USP34: variants seen among roughly 807,000 people sequenced by gnomAD.
USP34 encodes ubiquitin specific peptidase 34.
A neutral mutation model predicts 460.3 loss-of-function variants in USP34; 70 were observed. The ratio of observed to expected loss-of-function variants is 0.15; its 90% CI spans 0.13 to 0.19. The LOEUF is 0.19. Ranked by LOEUF, USP34 falls within the 10% of genes least tolerant of loss-of-function variation. USP34 has a pLI of 1.00. For missense variants in USP34, 3,985 were observed against 4,236.2 expected, an observed-to-expected ratio of 0.94 and a Z score of 1.65; for synonymous variants, 1,647 against 1,405.3, an observed-to-expected ratio of 1.17 and a Z score of -3.85.
At chr2:61,436,545 C>G (rs1694818379) in intron 1 of USP34, among the ~76,000 whole-genome samples, 1 of 152,058 alleles carries the variant, frequency 6.6e-6, no homozygotes, top group African/African-American at 2.4e-5. Flanking sequence ...ACCAGAGGAC[C>G]CAGATATACA....
At chr2:61,354,701 G>T (rs957179616) in intron 10 of USP34, among the ~76,000 whole-genome samples, 1 of 152,154 alleles carries the variant, frequency 6.6e-6, no homozygotes, top group Non-Finnish European at 1.5e-5. Flanking sequence ...AGAAAACCTA[G>T]AATGTTTGAG....
intron 2 of USP34, among the ~76,000 whole-genome samples, chr2:61,407,758 G>GA (rs1279095993): frequency 1.3e-5 from 2 of 152,126 alleles, no homozygotes; most frequent in African/African-American, 2.4e-5. Flanking sequence ...ACCTATCACT[G>GA]AAAAACACTC....
rs377235470 is a variant in USP34 at position 61,256,376 on chromosome 2, A to C, written c.6221+8T>G. The C allele has an allele frequency of 6.2e-7, 1 of 1,606,028 alleles. No individual in the cohort carries two copies. Among genetic ancestry groups the C allele is most frequent in the Non-Finnish European group, 8.5e-7 (1 of 1,173,916 alleles). ...AACATAATAAAAATCACATTTGAAA[A>C]AGCATACCTTTTTTCAGCTCGTACT... is the stretch of plus-strand genomic sequence containing the variant. On this transcript the variant is annotated splice_region_variant and intron_variant, in intron 48 of 79. Transcript: ENST00000398571.
intron 10 of USP34, among the ~76,000 whole-genome samples, chr2:61,368,711 G>C (rs939133657): frequency 2.6e-5 from 4 of 152,158 alleles, no homozygotes; most frequent in Admixed American, 1.3e-4. Context: ...ATAAATCCCA[G>C]CTGGATCAAA....
chr2:61,312,687 A>G (rs1022664738), intron 25 of USP34, among the ~76,000 whole-genome samples: 3 of 152,176 alleles, frequency 2.0e-5, no homozygotes, highest in Non-Finnish European at 4.4e-5. Flanking sequence ...CAGTGGCACT[A>G]CTGACATTTT....
At position 61,399,991 on chromosome 2, in the gene USP34, T is replaced by C. The variant is rs896721196; in HGVS notation, c.553-4758A>G. Among the ~76,000 whole-genome samples, 3 of 151,990 alleles carry C rather than the reference T, an allele frequency of 2.0e-5. 1 individual carries two copies. The highest frequency in any genetic ancestry group is 4.8e-5 in the African/African-American group (2 of 41,398). Reference sequence around the variant, plus strand: ...GATTTTTAAAGTCTTGCATTTTTTTTCCTCAAAAACCTCCCATTTACTACA... The same window carrying C: ...GATTTTTAAAGTCTTGCATTTTTTTCCCTCAAAAACCTCCCATTTACTACA... On this transcript the variant is annotated intron_variant, in intron 3 of 79. Transcript: ENST00000398571.
intron 59 of USP34, 59 bp downstream of exon 59, chr2:61,229,477 AAAAAAAAAAAAC>A (rs1558478208): frequency 0.071 from 47,357 of 668,306 alleles, 1,863 homozygotes; most frequent in Admixed American, 0.15. Context: ...AAAAAAAAAC[AAAAAAAAAAAAC>A]AAAAACACCA....
At chr2:61,317,003 T>C (rs1463793625) in intron 23 of USP34, among the ~76,000 whole-genome samples, 1 of 152,230 alleles carries the variant, frequency 6.6e-6, no homozygotes, top group Non-Finnish European at 1.5e-5. Flanking sequence ...TCTTGCTTTG[T>C]TGCCCAGGCT....
rs1055129946 is a variant in USP34 at position 61,406,221 on chromosome 2, T to C, written c.132-93A>G. 4 of 1,130,782 alleles carry C rather than the reference T, an allele frequency of 3.5e-6. No individual in the cohort carries two copies. The African/African-American group carries it at 6.3e-5, about 18-fold the overall frequency. The allele number at this position is 1,130,782 out of a possible 1,614,324, so 70.0% of individuals were successfully genotyped here. ...AAACAAGTAAGCAAATACTAAGTTA[T>C]TTCTAGACTTGTTTTTATTTTTTCC... On this transcript the variant is annotated intron_variant, in intron 2 of 79. Transcript: ENST00000398571.
intron 27 of USP34, among the ~76,000 whole-genome samples, 193 bp downstream of exon 27, chr2:61,311,347 C>A (rs777782905): frequency 5.7e-4 from 86 of 152,006 alleles, no homozygotes; most frequent in Non-Finnish European, 1.1e-3. Flanking sequence ...TTGGACTTCC[C>A]AAATTCTGTT....
chr2:61,232,205 C>G (rs1270602716), intron 58 of USP34, among the ~76,000 whole-genome samples: 1 of 152,054 alleles, frequency 6.6e-6, no homozygotes, highest in Non-Finnish European at 1.5e-5. Context: ...AATAAAAGAA[C>G]AGGAAATTAC....
At chr2:61,192,294 C>T (rs559216758) in intron 76 of USP34, among the ~76,000 whole-genome samples, 1 of 152,326 alleles carries the variant, frequency 6.6e-6, no homozygotes, top group East Asian at 1.9e-4. Context: ...AAGGAATGAG[C>T]CAAACATTAG....
intron 43 of USP34, among the ~76,000 whole-genome samples, chr2:61,262,014 C>G (rs1257659158): frequency 6.9e-6 from 1 of 144,960 alleles, no homozygotes; most frequent in Non-Finnish European, 1.5e-5. Flanking sequence ...CTGCCGGAAC[C>G]CAGGAGGCAG....
intron 1 of USP34, among the ~76,000 whole-genome samples, chr2:61,449,800 G>A (rs1342408645): frequency 6.7e-6 from 1 of 149,702 alleles, no homozygotes; most frequent in Non-Finnish European, 1.5e-5. Context: ...CGGCGCGGTG[G>A]CTCACGCCTG....
At chr2:61,190,733 A>C in intron 76 of USP34, 75 bp from the exon 77 acceptor site, 1 of 1,519,496 alleles carries the variant, frequency 6.6e-7, no homozygotes, top group South Asian at 1.3e-5. Flanking sequence ...ACTTACACAG[A>C]AAAAACATAC....
chr2:61,366,906 A>C (rs72813567), intron 10 of USP34, among the ~76,000 whole-genome samples: 22,141 of 151,970 alleles, frequency 0.15, 2,146 homozygotes, highest in South Asian at 0.36. Context: ...AAAATTAGCC[A>C]AGCATGGTGG....
In USP34 at chr2:61,462,423, C is replaced by T. The variant is rs190474979; in HGVS notation, c.43+8227G>A. 4.0e-5 allele frequency among the ~76,000 whole-genome samples: 6 copies of T among 151,334 alleles called. No individual in the cohort carries two copies. In the East Asian group the frequency reaches 1.2e-3, roughly 29 times the overall value. On this transcript the variant is annotated intron_variant, in intron 1 of 79. Coordinates refer to ENST00000398571, the MANE Select transcript of USP34 (RefSeq NM_014709.4). ...TATTAGCTGGGCATGGTGGTACGCA[C>T]CTGTAATCCCAGCTACTTGGGAAGC...
chr2:61,279,513 G>C (rs987115718), intron 39 of USP34, among the ~76,000 whole-genome samples: 1 of 152,108 alleles, frequency 6.6e-6, no homozygotes, highest in Non-Finnish European at 1.5e-5. Context: ...CGCCAGGCTA[G>C]AGTGCAGGGG....
intron 67 of USP34, among the ~76,000 whole-genome samples, chr2:61,218,075 T>C (rs1018116142): frequency 3.9e-5 from 6 of 152,048 alleles, no homozygotes; most frequent in African/African-American, 1.4e-4. Flanking sequence ...ACAATGCCAC[T>C]GCAATGTACA....
Sources: gnomAD v4.1 joint callset for allele counts (sites outside exome capture counted in the v4.1 genomes callset) on GRCh38, gnomAD v4.1.1 for gene constraint, MANE v1.5 for transcripts, NCBI Gene and HGNC (gene_info 2026-07-23, HGNC 2026-07-21) for gene names.